Variants in PPP2R3A observed in about 807,000 individuals in gnomAD.
PPP2R3A encodes serine/threonine-protein phosphatase 2A regulatory subunit B'' subunit alpha.
In PPP2R3A, 80 loss-of-function variants were observed where a neutral mutation model predicts 106.9. The ratio of observed to expected loss-of-function variants is 0.75; its 90% confidence interval spans 0.62 to 0.90. The LOEUF (loss-of-function observed/expected upper bound fraction) is 0.90. Among genes scored for constraint, PPP2R3A ranks in the 40% least tolerant of loss-of-function variants. PPP2R3A has a pLI of 0.00. For synonymous variants in PPP2R3A, 483 were observed against 468.3 expected, an observed-to-expected ratio of 1.03 and a Z score of -0.41; for missense variants, 1,386 against 1,350.4, an observed-to-expected ratio of 1.03 and a Z score of -0.41.
chr3:136,041,238 G>GTTTT lies in PPP2R3A; in HGVS notation c.2366+284_2366+287dup, dbSNP rs67116006. Among the ~76,000 whole-genome samples, 150 of 92,820 alleles carry GTTTT rather than the reference G, an allele frequency of 1.6e-3. 3 individuals are homozygous for GTTTT. The highest frequency in any genetic ancestry group is 4.0e-3 in the African/African-American group (89 of 22,156). The allele number at this position is 92,820 out of a possible 152,430, so 60.9% of individuals were successfully genotyped here. On this transcript the variant is annotated intron_variant, in intron 4 of 13. Transcript: ENST00000264977. ...TTATTAGTTTTACTTGGTTTTTCTT[G>GTTTT]TTTTTTTTTTTGTTTTTTTTTTTGT...
intron 13 of PPP2R3A, among the ~76,000 whole-genome samples, chr3:136,128,820 C>T (rs888325836): frequency 1.3e-5 from 2 of 152,162 alleles, no homozygotes; most frequent in African/African-American, 4.8e-5. Context: ...CAAACTGTCT[C>T]TCAGACCACA....
At chr3:136,079,666 C>T (rs910551995) in intron 7 of PPP2R3A, among the ~76,000 whole-genome samples, 9 of 151,814 alleles carry the variant, frequency 5.9e-5, no homozygotes, top group South Asian at 2.1e-4. Flanking sequence ...CTCAGCCTCC[C>T]GAAGTCCTGG....
chr3:135,980,464 G>A (rs1227817120), intron 1 of PPP2R3A, among the ~76,000 whole-genome samples: 2 of 151,406 alleles, frequency 1.3e-5, no homozygotes, highest in Non-Finnish European at 2.9e-5. Context: ...AAAAAAGTTG[G>A]TAAGTGTATA....
chr3:135,968,499 G>A (rs9862763), intron 1 of PPP2R3A, among the ~76,000 whole-genome samples: 36,999 of 152,138 alleles, frequency 0.24, 5,150 homozygotes, highest in Non-Finnish European at 0.32. Flanking sequence ...GAACAGGGCC[G>A]CTTTTGGGAA....
rs1933682965 is a variant in PPP2R3A, at chr3:136,002,708, G to T, written c.1210G>T (p.Glu404Ter). ...QSQSLTMNPL[E>*]NVSSDDLMET... ...ACAGTCATTAACCATGAATCCTTTAGAAAATGTTTCTTCTGACGACTTAAT... is the reference window on the plus strand; with the variant it reads ...ACAGTCATTAACCATGAATCCTTTATAAAATGTTTCTTCTGACGACTTAAT... Residue 404 changes from glutamate to a stop codon, truncating the protein, a stop_gained, in exon 2 of 14, where the codon GAA (glutamate) becomes TAA (stop). Transcript: ENST00000264977. LOFTEE classifies it high-confidence loss of function. 2 of 1,613,074 alleles carry T rather than the reference G, an allele frequency of 1.2e-6. No homozygotes were observed. The highest frequency in any genetic ancestry group is 1.3e-5 in the African/African-American group (1 of 74,814).
intron 13 of PPP2R3A, among the ~76,000 whole-genome samples, chr3:136,132,771 T>C (rs1020767470): frequency 6.6e-5 from 10 of 151,864 alleles, no homozygotes; most frequent in Non-Finnish European, 1.2e-4. Flanking sequence ...AAAACTTGTA[T>C]AGAAAATGAA....
intron 2 of PPP2R3A, among the ~76,000 whole-genome samples, chr3:136,010,234 C>T (rs969728347): frequency 6.6e-6 from 1 of 151,042 alleles, no homozygotes; most frequent in Non-Finnish European, 1.5e-5. Flanking sequence ...CATCCAAGCT[C>T]CTGTCTTTTT....
chr3:136,139,463 AG>A (rs543117145), intron 13 of PPP2R3A, among the ~76,000 whole-genome samples: 15 of 151,632 alleles, frequency 9.9e-5, no homozygotes, highest in South Asian at 6.3e-4. Flanking sequence ...TGGGAGGCCG[AG>A]GGGGGGGATC....
intron 1 of PPP2R3A, among the ~76,000 whole-genome samples, chr3:135,991,124 G>A (rs956636251): frequency 3.3e-5 from 5 of 152,048 alleles, no homozygotes; most frequent in East Asian, 3.9e-4. Context: ...CTGGTGTGTC[G>A]TCTTTTGCGT....
intron 1 of PPP2R3A, among the ~76,000 whole-genome samples, chr3:135,999,448 A>G (rs1197400664): frequency 6.6e-6 from 1 of 152,208 alleles, no homozygotes; most frequent in South Asian, 2.1e-4. Context: ...CTAAGATTCC[A>G]TCTAGTTAAC....
At position 136,103,301 on chromosome 3, in the gene PPP2R3A, C is replaced by T. The variant is rs1937426860; in HGVS notation, c.3147C>T (p.His1049=). 2.5e-6 allele frequency: 4 copies of T among 1,611,270 alleles called. No individual in the cohort carries two copies. Among genetic ancestry groups the T allele is most frequent in the Non-Finnish European group, 3.4e-6 (4 of 1,177,618 alleles). The change falls in exon 12 of 14, where the codon CAC becomes CAT. Residue 1049 remains histidine, a synonymous_variant. Transcript: ENST00000264977. ...ATCTGAAGAGGTGCAGAATGGCTCA[C>T]ATCTTCTATGACACTTTCTTTAATC... The part of the protein sequence containing the change: ...LRDLKRCRMA[H]IFYDTFFNLE...
At chr3:136,063,162 C>A (rs35961065) in intron 5 of PPP2R3A, among the ~76,000 whole-genome samples, 67,797 of 151,942 alleles carry the variant, frequency 0.45, 17,142 homozygotes, top group African/African-American at 0.7. Context: ...CAAAAACAAG[C>A]AATGGGGAAA....
rs182619815 is a variant in PPP2R3A, at chr3:136,119,831, C to T, written c.3329+13509C>T. ...CTCAAGGATCTAGAACTAGAAATAC[C>T]GTTTGACCCAGCAATTCCATTACTG... On this transcript the variant is annotated intron_variant, in intron 13 of 13. Coordinates refer to ENST00000264977, the MANE Select transcript of PPP2R3A (RefSeq NM_002718.5). 1.3e-3 allele frequency among the ~76,000 whole-genome samples: 193 copies of T among 152,210 alleles called. 1 individual carries two copies. Among genetic ancestry groups the T allele is most frequent in the Admixed American group, 0.012 (177 of 15,288 alleles).
rs1485567622 is a variant in PPP2R3A, at chr3:136,001,149, G to T, written c.-350G>T. 3 of 407,654 alleles carry T rather than the reference G, an allele frequency of 7.4e-6. No homozygotes were observed. In the Admixed American group the frequency reaches 1.3e-4, roughly 17 times the overall value. The allele number at this position is 407,654 out of a possible 1,614,324, so 25.3% of individuals were successfully genotyped here. A position where few individuals can be genotyped will look rare whatever the true frequency, so the allele number is the denominator to read the frequency against. ...TTCTCTACTACCAACTAAGATTTAT[G>T]ATAGTAAATTTATGAGAGCAAATTT... On this transcript the variant is annotated 5_prime_UTR_variant, in exon 2 of 14. The change abolishes an upstream ATG in the 5' untranslated region. Coordinates refer to ENST00000264977, the MANE Select transcript of PPP2R3A (RefSeq NM_002718.5).
intron 12 of PPP2R3A, among the ~76,000 whole-genome samples, chr3:136,105,175 GAGT>G (rs1428504402): frequency 6.6e-6 from 1 of 152,186 alleles, no homozygotes; most frequent in East Asian, 1.9e-4. Flanking sequence ...CGTGGTATCT[GAGT>G]TGGCTTTTAA....
chr3:136,090,762 A>G (rs1439620458), intron 10 of PPP2R3A, 95 bp downstream of exon 10: 1 of 884,134 alleles, frequency 1.1e-6, no homozygotes, highest in Non-Finnish European at 1.8e-6. Context: ...GGCCAACTCA[A>G]CGTGGCAATA....
intron 2 of PPP2R3A, among the ~76,000 whole-genome samples, chr3:136,009,957 C>T (rs916418858): frequency 6.6e-6 from 1 of 152,204 alleles, no homozygotes; most frequent in Admixed American, 6.5e-5. Flanking sequence ...GCTTTAAATT[C>T]ATGACCACCA....
At chr3:136,056,095 G>T (rs761470164) in intron 5 of PPP2R3A, among the ~76,000 whole-genome samples, 1 of 152,132 alleles carries the variant, frequency 6.6e-6, no homozygotes, top group Non-Finnish European at 1.5e-5. Flanking sequence ...CATAAACCCA[G>T]TCTAATCATG....
chr3:136,142,282 C>G (rs1938907598), intron 13 of PPP2R3A, among the ~76,000 whole-genome samples: 1 of 152,146 alleles, frequency 6.6e-6, no homozygotes, highest in African/African-American at 2.4e-5. Flanking sequence ...CATCCCTGCA[C>G]TCTACCCACT....
Sources: allele counts gnomAD v4.1 joint callset (sites outside exome capture counted in the v4.1 genomes callset), GRCh38; gene constraint gnomAD v4.1.1; transcripts MANE v1.5; gene names NCBI Gene and HGNC (gene_info 2026-07-23, HGNC 2026-07-21).